SEL1L3: variants seen among roughly 807,000 people sequenced by gnomAD.
SEL1L3 encodes SEL1L family member 3.
In SEL1L3, 76 loss-of-function variants were observed where a neutral mutation model predicts 142.8. The observed-to-expected ratio is 0.53, with a 90% CI of 0.44 to 0.64. The LOEUF (loss-of-function observed/expected upper bound fraction) is 0.64. Among genes scored for constraint, SEL1L3 ranks in the 30% least tolerant of loss-of-function variants. The pLI, the probability that SEL1L3 is intolerant of heterozygous loss-of-function variation, is 0.00. For missense variants in SEL1L3, 1,262 were observed against 1,381.7 expected, an observed-to-expected ratio of 0.91 and a Z score of 1.37; for synonymous variants, 504 against 519.6, an observed-to-expected ratio of 0.97 and a Z score of 0.41.
chr4:25,793,934 C>T (rs1035952502), intron 11 of SEL1L3, among the ~76,000 whole-genome samples: 3 of 152,162 alleles, frequency 2.0e-5, no homozygotes, highest in Non-Finnish European at 4.4e-5. Flanking sequence ...AAAGGATTCC[C>T]TATTTAATAA....
chr4:25,824,432 T>C (rs1163616768), intron 6 of SEL1L3, among the ~76,000 whole-genome samples: 2 of 152,148 alleles, frequency 1.3e-5, no homozygotes, highest in African/African-American at 2.4e-5. Context: ...ACGGAAATAG[T>C]AATAGTACCT....
chr4:25,862,499 C>T (rs1717789692), intron 1 of SEL1L3, among the ~76,000 whole-genome samples, 176 bp downstream of exon 1: 1 of 152,130 alleles, frequency 6.6e-6, no homozygotes, highest in Non-Finnish European at 1.5e-5. Flanking sequence ...AAGCGCCCCT[C>T]TCCACGCCCG....
intron 9 of SEL1L3, among the ~76,000 whole-genome samples, chr4:25,810,827 G>A (rs1424572468): frequency 6.6e-6 from 1 of 152,254 alleles, no homozygotes; most frequent in Non-Finnish European, 1.5e-5. Context: ...GCCCGAGGCA[G>A]CAAGGGGACT....
chr4:25,784,108 C>T, intron 14 of SEL1L3, 120 bp downstream of exon 14: 2 of 823,052 alleles, frequency 2.4e-6, no homozygotes, highest in Non-Finnish European at 4.1e-6. Context: ...AACTGCTCAC[C>T]ACCCCGTTTC....
intron 2 of SEL1L3, among the ~76,000 whole-genome samples, chr4:25,846,125 G>A (rs751603350): frequency 1.7e-4 from 26 of 152,202 alleles, no homozygotes; most frequent in Non-Finnish European, 3.5e-4. Context: ...CCCACTGAGG[G>A]GGCAGAAGAA....
At chr4:25,768,768 T>C (rs923872949) in intron 17 of SEL1L3, among the ~76,000 whole-genome samples, 2 of 152,102 alleles carry the variant, frequency 1.3e-5, no homozygotes, top group Non-Finnish European at 2.9e-5. Flanking sequence ...TGGCAGGGTA[T>C]TCAAAAACAT....
At chr4:25,743,010 A>G (rs149514069), downstream of SEL1L3, among the ~76,000 whole-genome samples, 263 of 152,326 alleles carry the variant, frequency 1.7e-3, no homozygotes, top group African/African-American at 6.1e-3. Context: ...TTATGAACCC[A>G]AATGCCTGCA....
At chr4:25,784,109 A>G (rs535854113) in intron 14 of SEL1L3, 119 bp downstream of exon 14, 6 of 831,490 alleles carry the variant, frequency 7.2e-6, no homozygotes, top group Non-Finnish European at 1.2e-5. Flanking sequence ...ACTGCTCACC[A>G]CCCCGTTTCC....
chr4:25,811,361 T>C (rs1036318308), intron 9 of SEL1L3, among the ~76,000 whole-genome samples: 2 of 152,110 alleles, frequency 1.3e-5, no homozygotes, highest in Non-Finnish European at 2.9e-5. Context: ...AGAACGATGT[T>C]TTACAGAAGT....
intron 1 of SEL1L3, among the ~76,000 whole-genome samples, chr4:25,853,017 T>C (rs1221035267): frequency 6.6e-6 from 1 of 152,256 alleles, no homozygotes; most frequent in Non-Finnish European, 1.5e-5. Flanking sequence ...CATTAATTAA[T>C]GCAGCACCCT....
chr4:25,830,119 C>T lies in SEL1L3; in HGVS notation c.1136G>A (p.Ser379Asn). 1 of 1,611,424 alleles carries T rather than the reference C, an allele frequency of 6.2e-7. No homozygotes were observed. Among genetic ancestry groups the T allele is most frequent in the Non-Finnish European group, 8.5e-7 (1 of 1,177,724 alleles). ...VTTSIGQDLKSYHNQTISFRE... is the reference protein window; with the variant it reads ...VTTSIGQDLKNYHNQTISFRE... ...TTACCTAATGGTCTGATTGTGGTAGCTTTTCAAATCCTGTCCAATGCTAGT... is the reference window on the plus strand; with the variant it reads ...TTACCTAATGGTCTGATTGTGGTAGTTTTTCAAATCCTGTCCAATGCTAGT... Residue 379 changes from serine (S) to asparagine (N), a missense_variant, in exon 6 of 24, where the codon AGC becomes AAC. Physicochemically the swap from Ser to Asn is conservative, Grantham distance 46. Coordinates refer to ENST00000399878, the MANE Select transcript of SEL1L3 (RefSeq NM_015187.5).
intron 6 of SEL1L3, among the ~76,000 whole-genome samples, chr4:25,822,436 G>C (rs1368516394): frequency 6.6e-6 from 1 of 152,230 alleles, no homozygotes; most frequent in Non-Finnish European, 1.5e-5. Flanking sequence ...AAGATGTCAA[G>C]CATCTAGCAG....
rs78515285 is a variant in SEL1L3 at position 25,773,985 on chromosome 4, A to G, written c.2669+2292T>C. Among the ~76,000 whole-genome samples the G allele has an allele frequency of 1.1e-4, 16 of 152,298 alleles. 1 individual carries two copies. The East Asian group carries it at 2.9e-3, about 28-fold the overall frequency. Reference sequence around the variant, plus strand: ...CCTAAGTACCCCCAGTGATCTTTACATACTGCTCACGGCCCTTGAGCTATA... The same window carrying G: ...CCTAAGTACCCCCAGTGATCTTTACGTACTGCTCACGGCCCTTGAGCTATA... On this transcript the variant is annotated intron_variant, in intron 17 of 23. Transcript: ENST00000399878.
chr4:25,830,241 T>C (rs1337425550), intron 5 of SEL1L3, 85 bp from the exon 6 acceptor site: 4 of 852,094 alleles, frequency 4.7e-6, no homozygotes, highest in South Asian at 4.4e-5. Flanking sequence ...TTACTCATGA[T>C]ATGTGTTGGA....
chr4:25,719,511 G>C, the SEL1L3 span: 13 of 152,068 alleles, frequency 8.5e-5, no homozygotes, highest in African/African-American at 3.1e-4. Flanking sequence ...ATATTGGCTT[G>C]CTAGAATTTT....
chr4:25,842,245 T>TA (rs113690467), intron 2 of SEL1L3, among the ~76,000 whole-genome samples: 3,636 of 139,706 alleles, frequency 0.026, 105 homozygotes, highest in African/African-American at 0.082. Context: ...TTGTGGAAAT[T>TA]AAAAAAAAAA....
chr4:25,780,728 AATAATATATATAAATAAAAAATTATAT>A (rs1444883253), intron 15 of SEL1L3, among the ~76,000 whole-genome samples: 12 of 147,196 alleles, frequency 8.2e-5, no homozygotes, highest in African/African-American at 3.0e-4. Flanking sequence ...AAAATATATA[AATAATATATATAAATAAAAAATTATAT>A]ATAAACTATA....
At position 25,804,523 on chromosome 4, in the gene SEL1L3, A is replaced by G. The variant is rs773917772; in HGVS notation, c.1776+18T>C. ...TAATGCAAGTGACTGATGTTAATGG[A>G]GCAATGAAATACTCTACCTGCAGCT... On this transcript the variant is annotated intron_variant, in intron 10 of 23. Coordinates refer to ENST00000399878, the MANE Select transcript of SEL1L3 (RefSeq NM_015187.5). The G allele has an allele frequency of 6.4e-7, 1 of 1,557,124 alleles. No individual in the cohort carries two copies. Among genetic ancestry groups the G allele is most frequent in the South Asian group, 1.1e-5 (1 of 87,664 alleles).
At chr4:25,743,373 T>C (rs1450115378), downstream of SEL1L3, among the ~76,000 whole-genome samples, 1 of 152,198 alleles carries the variant, frequency 6.6e-6, no homozygotes, top group African/African-American at 2.4e-5. Context: ...CTCTGTACCC[T>C]ACCCTCTGTT....
Sources: allele counts gnomAD v4.1 joint callset (sites outside exome capture counted in the v4.1 genomes callset), GRCh38; gene constraint gnomAD v4.1.1; transcripts MANE v1.5; gene names NCBI Gene and HGNC (gene_info 2026-07-23, HGNC 2026-07-21).